ZC3H3: variants seen among roughly 807,000 people sequenced by gnomAD.
The protein encoded by ZC3H3 is zinc finger CCCH domain-containing protein 3.
ZC3H3 carries 36 observed loss-of-function variants against 77.3 expected under a neutral mutation model. The observed-to-expected ratio is 0.47, with a 90% CI of 0.36 to 0.61. The LOEUF (loss-of-function observed/expected upper bound fraction) is 0.61. Among genes scored for constraint, ZC3H3 ranks in the 20% least tolerant of loss-of-function variants. The pLI, the probability that ZC3H3 is intolerant of heterozygous loss-of-function variation, is 0.00. For missense variants in ZC3H3, 1,331 were observed against 1,312.2 expected, an observed-to-expected ratio of 1.01 and a Z score of -0.22; for synonymous variants, 626 against 555.2, an observed-to-expected ratio of 1.13 and a Z score of -1.79.
chr8:143,539,338 C>T lies in ZC3H3; in HGVS notation c.47-18G>A. 1.3e-6 allele frequency: 2 copies of T among 1,580,560 alleles called. No individual in the cohort carries two copies. The highest frequency in any genetic ancestry group is 8.6e-7 in the Non-Finnish European group (1 of 1,163,424). Reference sequence around the variant, plus strand: ...AATCAGACCTGAGAAGACAGAACCACAGGCCCAGTTAGCCAGAGGGTAACC... The same window carrying T: ...AATCAGACCTGAGAAGACAGAACCATAGGCCCAGTTAGCCAGAGGGTAACC... On this transcript the variant is annotated intron_variant, in intron 1 of 11. Coordinates refer to ENST00000262577, the MANE Select transcript of ZC3H3 (RefSeq NM_015117.3).
At chr8:143,521,091 CG>C (rs941254435) in intron 3 of ZC3H3, among the ~76,000 whole-genome samples, 34 of 152,124 alleles carry the variant, frequency 2.2e-4, no homozygotes, top group Non-Finnish European at 2.1e-4. Context: ...GGGGCAGGCC[CG>C]GCCCCGCCAC....
chr8:143,448,317 A>G (rs866638736), intron 9 of ZC3H3, among the ~76,000 whole-genome samples: 6 of 152,216 alleles, frequency 3.9e-5, no homozygotes, highest in Middle Eastern at 3.4e-3. Flanking sequence ...AAAAAAAAAA[A>G]AGAGACCAGG....
intron 8 of ZC3H3, among the ~76,000 whole-genome samples, chr8:143,466,136 C>G (rs1471124978): frequency 6.6e-6 from 1 of 152,216 alleles, no homozygotes; most frequent in Non-Finnish European, 1.5e-5. Flanking sequence ...CTGAGTCCCT[C>G]ACCTGTTCTG....
chr8:143,468,303 T>C, intron 7 of ZC3H3, 25 bp from the exon 8 acceptor site: 2 of 1,612,654 alleles, frequency 1.2e-6, no homozygotes, highest in Non-Finnish European at 1.7e-6. Flanking sequence ...GAAACGGGTA[T>C]GAGGAAGGGC....
chr8:143,506,096 T>C (rs2924512), intron 4 of ZC3H3, among the ~76,000 whole-genome samples: 5,537 of 152,320 alleles, frequency 0.036, 308 homozygotes, highest in African/African-American at 0.13. Context: ...GCATGGGCAC[T>C]TGTTTCTGTG....
At chr8:143,471,393 A>G (rs1468014206) in intron 5 of ZC3H3, among the ~76,000 whole-genome samples, 2 of 152,206 alleles carry the variant, frequency 1.3e-5, no homozygotes, top group African/African-American at 2.4e-5. Context: ...CCAGCAGGGG[A>G]GGCGCAGAGG....
Position 143,438,030 on chromosome 8 carries a change from T to C in ZC3H3, c.*26A>G, listed in dbSNP as rs991992037. The C allele has an allele frequency of 6.2e-6, 10 of 1,606,978 alleles. No individual in the cohort carries two copies. The highest frequency in any genetic ancestry group is 7.6e-6 in the Non-Finnish European group (9 of 1,177,062). The stretch of plus-strand genomic sequence containing the variant: ...CCTCTCCAAGGATGAGGGTCTGAGG[T>C]AGGTGCAGGCCGGTCCCTGGGGTCC... On this transcript the variant is annotated 3_prime_UTR_variant, in exon 12 of 12. Coordinates refer to ENST00000262577, the MANE Select transcript of ZC3H3 (RefSeq NM_015117.3).
chr8:143,495,451 T>A (rs2129981674), intron 4 of ZC3H3, among the ~76,000 whole-genome samples: 1 of 152,246 alleles, frequency 6.6e-6, no homozygotes, highest in East Asian at 1.9e-4. Context: ...AGGCAGCTAA[T>A]CCACAGTGAG....
At chr8:143,495,288 G>C (rs1410330539) in intron 4 of ZC3H3, among the ~76,000 whole-genome samples, 1 of 152,242 alleles carries the variant, frequency 6.6e-6, no homozygotes, top group African/African-American at 2.4e-5. Context: ...AAGTGAGTGA[G>C]CCAAGCTGGA....
At chr8:143,479,050 T>C (rs1432590889) in intron 4 of ZC3H3, among the ~76,000 whole-genome samples, 1 of 152,194 alleles carries the variant, frequency 6.6e-6, no homozygotes, top group African/African-American at 2.4e-5. Flanking sequence ...CTCCCGGGAA[T>C]GGGGCAGGGC....
intron 3 of ZC3H3, among the ~76,000 whole-genome samples, chr8:143,510,911 G>A (rs112833627): frequency 7.5e-4 from 114 of 152,184 alleles, no homozygotes; most frequent in Admixed American, 1.3e-3. Flanking sequence ...GCGATGCCCC[G>A]GCCCGCGTTA....
intron 3 of ZC3H3, among the ~76,000 whole-genome samples, chr8:143,521,508 G>A (rs997107215): frequency 2.6e-5 from 4 of 152,334 alleles, no homozygotes; most frequent in African/African-American, 4.8e-5. Context: ...CGGGCCTCCT[G>A]CACATGGGGC....
At chr8:143,464,691 G>A (rs573007020) in intron 9 of ZC3H3, among the ~76,000 whole-genome samples, 2 of 152,226 alleles carry the variant, frequency 1.3e-5, no homozygotes, top group South Asian at 4.1e-4. Flanking sequence ...TCGGCTTCAC[G>A]GGGGCTGCAG....
At chr8:143,478,782 T>C (rs956287868) in intron 4 of ZC3H3, among the ~76,000 whole-genome samples, 1 of 152,230 alleles carries the variant, frequency 6.6e-6, no homozygotes, top group Non-Finnish European at 1.5e-5. Context: ...AGTGCCGGGA[T>C]TACAGGCATG....
chr8:143,476,663 C>T lies in ZC3H3; in HGVS notation c.1716-1078G>A, dbSNP rs185816181. Among the ~76,000 whole-genome samples the T allele has an allele frequency of 7.2e-4, 109 of 152,376 alleles. 2 individuals are homozygous for T. In the East Asian group the frequency reaches 0.015, roughly 20 times the overall value. ...TGACCCCTGAGGTGGATACCACACCCCCAGCAAATCTGGGCAAGACATTTT... is the reference window on the plus strand; with the variant it reads ...TGACCCCTGAGGTGGATACCACACCTCCAGCAAATCTGGGCAAGACATTTT... On this transcript the variant is annotated intron_variant, in intron 4 of 11. Coordinates refer to ENST00000262577, the MANE Select transcript of ZC3H3 (RefSeq NM_015117.3).
At chr8:143,501,689 C>T (rs1194396724) in intron 4 of ZC3H3, among the ~76,000 whole-genome samples, 1 of 152,082 alleles carries the variant, frequency 6.6e-6, no homozygotes, top group Non-Finnish European at 1.5e-5. Flanking sequence ...TCCCACGGTC[C>T]TCTGACTACA....
intron 9 of ZC3H3, among the ~76,000 whole-genome samples, chr8:143,446,979 G>A (rs1440006451): frequency 6.6e-6 from 1 of 152,274 alleles, no homozygotes; most frequent in Non-Finnish European, 1.5e-5. Flanking sequence ...GGCCCTGGGA[G>A]CATGGTCCAT....
rs538537940 is a variant in ZC3H3 at position 143,440,956 on chromosome 8, G to C, written c.2472C>G (p.Val824=). ...GPSDATARSR[V]SASHGPRKPS... is the part of the protein sequence containing the mutation. Reference sequence around the variant, plus strand: ...ATCACCTGGGCCCGTGGCTGGCCGAGACCCTGCTCCTGGCGGTTGCGTCGC... The same window carrying C: ...ATCACCTGGGCCCGTGGCTGGCCGACACCCTGCTCCTGGCGGTTGCGTCGC... The change falls in exon 10 of 12, where the codon GTC becomes GTG. Residue 824 remains valine, a synonymous_variant. Coordinates refer to ENST00000262577, the MANE Select transcript of ZC3H3 (RefSeq NM_015117.3). 3.5e-6 allele frequency: 5 copies of C among 1,437,550 alleles called. No individual in the cohort carries two copies. Among genetic ancestry groups the C allele is most frequent in the Admixed American group, 2.9e-5 (1 of 34,894 alleles). The allele number at this position is 1,437,550 out of a possible 1,614,324, so 89.0% of individuals were successfully genotyped here.
At chr8:143,446,877 T>C (rs75763770) in intron 9 of ZC3H3, among the ~76,000 whole-genome samples, 4,023 of 152,320 alleles carry the variant, frequency 0.026, 164 homozygotes, top group African/African-American at 0.087. Context: ...AGATAACTAA[T>C]TGGTCGTCTG....
Sources: allele counts gnomAD v4.1 joint callset (sites outside exome capture counted in the v4.1 genomes callset), GRCh38; gene constraint gnomAD v4.1.1; transcripts MANE v1.5; gene names NCBI Gene and HGNC (gene_info 2026-07-23, HGNC 2026-07-21).